The following STAMBP variants were observed in gnomAD, a reference collection of about 807,000 sequenced individuals.
STAMBP encodes STAM-binding protein.
STAMBP carries 31 observed loss-of-function variants against 50.7 expected under a neutral mutation model. That is an observed-to-expected ratio of 0.61 (90% CI 0.46 to 0.83). The LOEUF is 0.83. Among genes scored for constraint, STAMBP ranks in the 40% least tolerant of loss-of-function variants. The pLI is 0.00. For missense variants in STAMBP, 472 were observed against 518.9 expected (o/e 0.91, Z 0.88); for synonymous variants, 211 against 192.4 (o/e 1.10, Z -0.80).
At chr2:73,840,860 A>G (rs1294626571) in intron 2 of STAMBP, among the ~76,000 whole-genome samples, 3 of 152,156 alleles carry the variant, frequency 2.0e-5, no homozygotes. Context: ...TTAAGATGAA[A>G]GGTTATATTA....
chr2:73,859,560 C>T (rs1318987), intron 8 of STAMBP, among the ~76,000 whole-genome samples, 194 bp downstream of exon 8: 3 of 151,904 alleles, frequency 2.0e-5, no homozygotes, highest in Non-Finnish European at 4.4e-5. Flanking sequence ...AAAAAGATAT[C>T]CAAGTAACAA....
At chr2:73,853,619 G>A (rs1474811320) in intron 7 of STAMBP, among the ~76,000 whole-genome samples, 1 of 152,222 alleles carries the variant, frequency 6.6e-6, no homozygotes, top group Non-Finnish European at 1.5e-5. Flanking sequence ...CTACTCGAGA[G>A]GCTGAGGCAG....
Position 73,860,127 on chromosome 2 carries a change from C to A in STAMBP, c.1194C>A (p.His398Gln), listed in dbSNP as rs186347948. Reference sequence around the variant, plus strand: ...GTCGCCAGAAAGGATTTCATCCACACAGCAAGGATCCACCTCTGTTCTGTG... The same window carrying A: ...GTCGCCAGAAAGGATTTCATCCACAAAGCAAGGATCCACCTCTGTTCTGTG... ...SSCRQKGFHP[H>Q]SKDPPLFCSC... is the part of the protein sequence containing the mutation. The change falls in exon 9 of 10, where the codon CAC becomes CAA. Residue 398 changes from histidine (H) to glutamine (Q), a missense_variant. His to Gln is a conservative substitution (Grantham distance 24). Transcript: ENST00000394070. 1.2e-6 allele frequency: 2 copies of A among 1,613,744 alleles called. No individual in the cohort carries two copies. The highest frequency in any genetic ancestry group is 1.3e-5 in the African/African-American group (1 of 74,870).
intron 4 of STAMBP, among the ~76,000 whole-genome samples, chr2:73,845,980 T>C (rs1280101615): frequency 6.6e-6 from 1 of 152,150 alleles, no homozygotes; most frequent in Non-Finnish European, 1.5e-5. Context: ...AGTTAAAACA[T>C]GTGGAGAAAC....
At chr2:73,853,548 C>G (rs1250117289) in intron 7 of STAMBP, among the ~76,000 whole-genome samples, 3 of 152,108 alleles carry the variant, frequency 2.0e-5, no homozygotes, top group African/African-American at 7.2e-5. Flanking sequence ...ATAGTGAAAC[C>G]CTGTCTCTAC....
At chr2:73,860,400 A>G in intron 9 of STAMBP, 1 of 540,192 alleles carries the variant, frequency 1.9e-6, no homozygotes, top group Non-Finnish European at 2.8e-6. Context: ...CCCATCTATA[A>G]AATAGGCATA....
Position 73,844,904 on chromosome 2 carries a change from C to G in STAMBP, c.279+16C>G, listed in dbSNP as rs1675869623. On this transcript the variant is annotated intron_variant, in intron 3 of 9. Coordinates refer to ENST00000394070, the MANE Select transcript of STAMBP (RefSeq NM_213622.4). ...CACAGTAAAGGTGGGTCTTCACTTT[C>G]ATTGTTGCCCATCTAAAAGCTTCAG... is the stretch of plus-strand genomic sequence containing the variant. 1 of 1,612,118 alleles carries G rather than the reference C, an allele frequency of 6.2e-7. No homozygotes were observed. Among genetic ancestry groups the G allele is most frequent in the Non-Finnish European group, 8.5e-7 (1 of 1,179,464 alleles).
At chr2:73,861,857 G>A (rs973120407) in intron 9 of STAMBP, among the ~76,000 whole-genome samples, 43 of 152,134 alleles carry the variant, frequency 2.8e-4, no homozygotes, top group African/African-American at 1.0e-3. Flanking sequence ...GACTTTTCAG[G>A]CCGGGCACGG....
At chr2:73,832,108 T>TATATATATATATATATATATATGTAC (rs1006072205) in intron 2 of STAMBP, among the ~76,000 whole-genome samples, 2 of 122,902 alleles carry the variant, frequency 1.6e-5, no homozygotes, top group Admixed American at 8.5e-5. Flanking sequence ...TATATATATA[T>TATATATATATATATATATATATGTAC]ACACATATAT....
At chr2:73,845,323 G>A in intron 4 of STAMBP, 61 bp downstream of exon 4, 1 of 1,146,422 alleles carries the variant, frequency 8.7e-7, no homozygotes, top group Non-Finnish European at 1.3e-6. Context: ...CCCTGGGATT[G>A]TAATATGACA....
At chr2:73,856,848 A>G (rs889065752) in intron 7 of STAMBP, among the ~76,000 whole-genome samples, 1 of 152,172 alleles carries the variant, frequency 6.6e-6, no homozygotes, top group East Asian at 1.9e-4. Flanking sequence ...TGCAGCAGGT[A>G]TGTGCCTGAA....
At chr2:73,873,649 A>G (rs1455874512) in exon 11 of STAMBP, 2 of 152,222 alleles carry the variant, frequency 1.3e-5, no homozygotes, top group African/African-American at 2.4e-5. Flanking sequence ...TATCATCAGA[A>G]TAAGAAAGAA....
In STAMBP at chr2:73,832,505, C is replaced by G. The variant is rs566690267; in HGVS notation, c.203+1446C>G. On this transcript the variant is annotated intron_variant, in intron 2 of 9. Transcript: ENST00000394070. ...TCCCCACCCACTCCTCTTTTCCCCC[C>G]AAACCCTCAGTGCTTCTCCCCAGAG... 1.3e-4 allele frequency among the ~76,000 whole-genome samples: 19 copies of G among 151,924 alleles called. No homozygotes were observed. In the South Asian group the frequency reaches 4.0e-3, roughly 32 times the overall value.
At chr2:73,872,891 C>T (rs548412205) in intron 10 of STAMBP, among the ~76,000 whole-genome samples, 3 of 152,230 alleles carry the variant, frequency 2.0e-5, no homozygotes, top group South Asian at 4.1e-4. Context: ...AAGTAAAACA[C>T]GTAAACCGTG....
chr2:73,840,766 C>A (rs866810036), intron 2 of STAMBP, among the ~76,000 whole-genome samples: 19 of 146,756 alleles, frequency 1.3e-4, no homozygotes, highest in Middle Eastern at 3.5e-3. Flanking sequence ...ATAAATAAAT[C>A]AAAAAAAAAA....
intron 9 of STAMBP, among the ~76,000 whole-genome samples, chr2:73,861,797 G>T (rs1329672372): frequency 6.6e-6 from 1 of 151,536 alleles, no homozygotes; most frequent in East Asian, 1.9e-4. Flanking sequence ...AAAGTGCTGG[G>T]ATTACAAGCG....
At chr2:73,851,881 C>A (rs1320304986) in intron 7 of STAMBP, among the ~76,000 whole-genome samples, 1 of 152,026 alleles carries the variant, frequency 6.6e-6, no homozygotes, top group African/African-American at 2.4e-5. Flanking sequence ...CTCAGGTGAT[C>A]CACCCGCCTC....
At chr2:73,844,328 T>C (rs1174504622) in intron 2 of STAMBP, among the ~76,000 whole-genome samples, 1 of 152,190 alleles carries the variant, frequency 6.6e-6, no homozygotes, top group Non-Finnish European at 1.5e-5. Context: ...TATTCTTCTT[T>C]GAAGGAACAC....
intron 7 of STAMBP, among the ~76,000 whole-genome samples, chr2:73,857,180 AG>A (rs1265778289): frequency 6.6e-6 from 1 of 152,126 alleles, no homozygotes; most frequent in Non-Finnish European, 1.5e-5. Flanking sequence ...CCCAGATGGA[AG>A]GTTTGAGTTC....
Sources: gnomAD v4.1 joint callset for allele counts (sites outside exome capture counted in the v4.1 genomes callset) on GRCh38, gnomAD v4.1.1 for gene constraint, MANE v1.5 for transcripts, NCBI Gene and HGNC (gene_info 2026-07-23, HGNC 2026-07-21) for gene names.